VPS13C: variants seen among roughly 807,000 people sequenced by gnomAD.
VPS13C encodes intermembrane lipid transfer protein VPS13C.
Under a neutral mutation model 456.8 loss-of-function variants are expected in VPS13C, and 358 were observed. That is an observed-to-expected ratio of 0.78 (90% confidence interval 0.72 to 0.86). The LOEUF (loss-of-function observed/expected upper bound fraction) is 0.86, where lower values mean the gene tolerates loss of function less well. VPS13C is among the 40% of genes least tolerant of loss of function. The pLI is 0.00. For missense variants in VPS13C, 4,818 were observed against 4,385.4 expected (o/e 1.10, Z -2.79); for synonymous variants, 1,578 against 1,486.7 (o/e 1.06, Z -1.41).
rs1894662705 is a variant in VPS13C at position 61,867,307 on chromosome 15, A to T, written c.10863+1352T>A. Reference sequence around the variant, plus strand: ...CATAATTATAAAATGGCTATCATTTATTTAGCAACAGTACCAAGGGGTTAA... The same window carrying T: ...CATAATTATAAAATGGCTATCATTTTTTTAGCAACAGTACCAAGGGGTTAA... On this transcript the variant is annotated intron_variant, in intron 81 of 84. Coordinates refer to ENST00000644861, the MANE Select transcript of VPS13C (RefSeq NM_020821.3). The surrounding 1 kb of genome is among the most constrained non-coding windows in gnomAD (Gnocchi z 5.0). The T allele has an allele frequency of 1.0e-6, 1 of 984,864 alleles. No individual in the cohort carries two copies. Among genetic ancestry groups the T allele is most frequent in the Admixed American group, 6.2e-5 (1 of 16,250 alleles). 61.0% of individuals were successfully genotyped at this position (984,864 alleles called of 1,614,324 possible).
In VPS13C at chr15:61,942,041, A is replaced by G; in HGVS notation, c.5175T>C (p.Ala1725=). The change falls in exon 46 of 85, where the codon GCT becomes GCC. Residue 1725 remains alanine (A), a synonymous_variant. Transcript: ENST00000644861. ...LLNFLNNFQT[A]KEALSTATVQ... ...CTGTGGCTGTACTCAAAGCTTCTTT[A>G]GCAGTTTGGAAATTGTTGAGGAAGT... is the stretch of plus-strand genomic sequence containing the variant. 1 of 1,590,934 alleles carries G rather than the reference A, an allele frequency of 6.3e-7. No homozygotes were observed. The highest frequency in any genetic ancestry group is 8.6e-7 in the Non-Finnish European group (1 of 1,165,542).
intron 1 of VPS13C, among the ~76,000 whole-genome samples, chr15:62,059,560 T>A (rs2140831111): frequency 6.6e-6 from 1 of 152,360 alleles, no homozygotes; most frequent in East Asian, 1.9e-4. Flanking sequence ...TTCCTGAGCA[T>A]GCAACCAAGC....
At chr15:61,894,104 G>C (rs2042732219) in intron 66 of VPS13C, among the ~76,000 whole-genome samples, 1 of 152,064 alleles carries the variant, frequency 6.6e-6, no homozygotes, top group African/African-American at 2.4e-5. Flanking sequence ...TCAAGAGTTT[G>C]AGACCAGTCT....
intron 82 of VPS13C, among the ~76,000 whole-genome samples, chr15:61,862,654 G>A (rs551536090): frequency 1.7e-4 from 26 of 152,236 alleles, no homozygotes; most frequent in African/African-American, 6.3e-4. Flanking sequence ...ATTGTTTTGT[G>A]AATATTTTTA....
At chr15:62,043,760 A>C (rs2140728721) in intron 2 of VPS13C, among the ~76,000 whole-genome samples, 2 of 152,322 alleles carry the variant, frequency 1.3e-5, no homozygotes, top group South Asian at 4.1e-4. Flanking sequence ...TTTGTTTTCA[A>C]CTCAACAATA....
chr15:61,973,278 A>C (rs1268854426), intron 26 of VPS13C, among the ~76,000 whole-genome samples, 176 bp downstream of exon 26: 1 of 152,180 alleles, frequency 6.6e-6, no homozygotes, highest in East Asian at 1.9e-4. Flanking sequence ...CGAAGACAGA[A>C]ACTTGGGCTT....
intron 81 of VPS13C, chr15:61,865,826 A>C: frequency 1.1e-6 from 1 of 895,022 alleles, no homozygotes; most frequent in Non-Finnish European, 1.3e-6. Flanking sequence ...AGATTAGAGG[A>C]TAAGTAGAAT....
intron 17 of VPS13C, among the ~76,000 whole-genome samples, chr15:61,991,390 A>C (rs1164940473): frequency 6.6e-6 from 1 of 152,216 alleles, no homozygotes; most frequent in Non-Finnish European, 1.5e-5. Context: ...ATCTATGCAA[A>C]AGGTAACAAA....
chr15:61,965,984 G>T, intron 30 of VPS13C, 99 bp downstream of exon 30: 3 of 754,114 alleles, frequency 4.0e-6, no homozygotes, highest in Non-Finnish European at 6.2e-6. Flanking sequence ...CCTTGATTAT[G>T]TCATCAAATT....
chr15:61,869,406 C>G (rs1335083996), intron 80 of VPS13C, 94 bp downstream of exon 80: 1 of 1,389,084 alleles, frequency 7.2e-7, no homozygotes, highest in Non-Finnish European at 9.8e-7. Flanking sequence ...CTTTAAGATC[C>G]TTAGGAGCAG....
chr15:61,947,132 G>C, intron 43 of VPS13C, 61 bp downstream of exon 43: 1 of 1,111,736 alleles, frequency 9.0e-7, no homozygotes, highest in Non-Finnish European at 1.3e-6. Flanking sequence ...ACAGGTACAA[G>C]CTCATTTTTC....
chr15:62,053,017 C>A (rs1435915504), intron 1 of VPS13C, among the ~76,000 whole-genome samples: 1 of 152,086 alleles, frequency 6.6e-6, no homozygotes. Flanking sequence ...AGTTTTAGTT[C>A]TAGAAAAGGA....
At chr15:62,011,903 T>TATTTATTTATTTAGA (rs2047051849) in intron 12 of VPS13C, among the ~76,000 whole-genome samples, 1 of 151,938 alleles carries the variant, frequency 6.6e-6, no homozygotes, top group Non-Finnish European at 1.5e-5. Context: ...TATACTGCCC[T>TATTTATTTATTTAGA]TCTCTCTCTC....
At chr15:61,855,670 T>C (rs1260333764) in intron 83 of VPS13C, among the ~76,000 whole-genome samples, 2 of 152,096 alleles carry the variant, frequency 1.3e-5, no homozygotes, top group Admixed American at 1.3e-4. Flanking sequence ...GAAATAACAT[T>C]ATTGTTTAGG....
At chr15:62,053,877 G>C (rs989210661) in intron 1 of VPS13C, among the ~76,000 whole-genome samples, 2 of 152,100 alleles carry the variant, frequency 1.3e-5, no homozygotes, top group African/African-American at 2.4e-5. Context: ...TGGTTTGCAG[G>C]GCCACAGATT....
intron 32 of VPS13C, 55 bp from the exon 33 acceptor site, chr15:61,962,907 T>C (rs2140323650): frequency 1.6e-6 from 2 of 1,217,392 alleles, no homozygotes; most frequent in Non-Finnish European, 2.3e-6. Context: ...AAATAAGATC[T>C]TTCTTTCCAT....
rs1409120493 is a variant in VPS13C, at chr15:61,927,253, G to A, written c.6354C>T (p.Ala2118=). Residue 2118 remains alanine, a synonymous_variant, in exon 52 of 85, where the codon GCC becomes GCT. Coordinates refer to ENST00000644861, the MANE Select transcript of VPS13C (RefSeq NM_020821.3). ...CAGGAGCATCAGCCTTTGTCAGGCTGGCAACAAATACCACTTCTGGATCTG... is the reference window on the plus strand; with the variant it reads ...CAGGAGCATCAGCCTTTGTCAGGCTAGCAACAAATACCACTTCTGGATCTG... ...MITDPEVVFV[A]SLTKADAPAL... is the part of the protein sequence containing the mutation. The A allele has an allele frequency of 6.2e-7, 1 of 1,614,180 alleles. No homozygotes were observed. The highest frequency in any genetic ancestry group is 2.2e-5 in the East Asian group (1 of 44,884).
chr15:61,922,410 T>A lies in VPS13C; in HGVS notation c.6962A>T (p.Asp2321Val). The A allele has an allele frequency of 6.2e-7, 1 of 1,613,098 alleles. No individual in the cohort carries two copies. The highest frequency in any genetic ancestry group is 8.5e-7 in the Non-Finnish European group (1 of 1,179,486). ...NWTSLMAAVA[D>V]VTLQVHYYNE... is the part of the protein sequence containing the mutation. ...ATGTGGCCATACCTGTAGTGTCACGTCAGCAACAGCAGCCATTAGAGAAGT... is the reference window on the plus strand; with the variant it reads ...ATGTGGCCATACCTGTAGTGTCACGACAGCAACAGCAGCCATTAGAGAAGT... Residue 2321 changes from aspartate (D) to valine (V), a missense_variant, in exon 54 of 85, where the codon GAC (aspartate) becomes GTC (valine). Transcript: ENST00000644861.
chr15:61,915,902 G>C lies in VPS13C; in HGVS notation c.8176C>G (p.His2726Asp). ...GGTAGTGTATCACGTATGCGGAAAT[G>C]TCCATTCCAGTTTTTGCCCTGGTAT... ...VKYQGKNWNG[H>D]FRIRDTLPEF... The change falls in exon 61 of 85, where the codon CAT becomes GAT. Residue 2726 changes from histidine (H) to aspartate (D), a missense_variant. Transcript: ENST00000644861. 5 of 1,613,892 alleles carry C rather than the reference G, an allele frequency of 3.1e-6. No homozygotes were observed. Among genetic ancestry groups the C allele is most frequent in the Non-Finnish European group, 4.2e-6 (5 of 1,179,990 alleles).
Sources: allele counts gnomAD v4.1 joint callset (sites outside exome capture counted in the v4.1 genomes callset), GRCh38; gene constraint gnomAD v4.1.1; non-coding constraint Gnocchi (gnomAD v3.1); transcripts MANE v1.5; gene names NCBI Gene and HGNC (gene_info 2026-07-23, HGNC 2026-07-21).